CFAP77: variants seen among roughly 807,000 people sequenced by gnomAD.
CFAP77 encodes cilia and flagella associated protein 77, also known as cilia- and flagella-associated protein 77.
A neutral mutation model predicts 31.1 loss-of-function variants in CFAP77; 25 were observed. That is an observed-to-expected ratio of 0.80 (90% CI 0.59 to 1.12). The LOEUF (loss-of-function observed/expected upper bound fraction) is 1.12. Among genes scored for constraint, CFAP77 ranks in the 50% most tolerant of loss-of-function variants. CFAP77 has a pLI of 0.00. For synonymous variants in CFAP77, 151 were observed against 159.9 expected (o/e 0.94, Z 0.42); for missense variants, 377 against 397.3 (o/e 0.95, Z 0.44).
intron 1 of CFAP77, among the ~76,000 whole-genome samples, chr9:132,459,670 A>T (rs1230452180): frequency 1.3e-5 from 2 of 150,684 alleles, no homozygotes; most frequent in Non-Finnish European, 2.9e-5. Flanking sequence ...TCATGTGTGC[A>T]TATTTATGTG....
At chr9:132,473,713 C>T (rs773802029) in intron 1 of CFAP77, among the ~76,000 whole-genome samples, 29 of 152,118 alleles carry the variant, frequency 1.9e-4, no homozygotes, top group Non-Finnish European at 2.9e-4. Flanking sequence ...GACAGAGTTT[C>T]ACTCTTGTCA....
In CFAP77 at chr9:132,531,030, A is replaced by C. The variant is rs780595884; in HGVS notation, c.525-6571A>C. ...CCAAGATATCCAAGGCTCCAGCACC[A>C]TTTGTTGAAAAGACTATCCTTCCTC... On this transcript the variant is annotated intron_variant, in intron 3 of 5. Coordinates refer to ENST00000393216, the MANE Select transcript of CFAP77 (RefSeq NM_001282957.2). Among the ~76,000 whole-genome samples the C allele has an allele frequency of 7.9e-5, 12 of 152,184 alleles. 1 individual carries two copies. Among genetic ancestry groups the C allele is most frequent in the Middle Eastern group, 6.3e-3 (2 of 316 alleles).
At chr9:132,416,312 T>G (rs1317149466) in intron 1 of CFAP77, among the ~76,000 whole-genome samples, 1 of 150,536 alleles carries the variant, frequency 6.6e-6, no homozygotes, top group South Asian at 2.1e-4. Flanking sequence ...CTATAACTGT[T>G]GAGTGCTTCT....
At position 132,517,165 on chromosome 9, in the gene CFAP77, C is replaced by G. The variant is rs961075672; in HGVS notation, c.524+17565C>G. ...CGTGGAGAGAAGCCCAGCCCTCCAG[C>G]CTTCTCCCTCCTCCCAAACCAGCCA... On this transcript the variant is annotated intron_variant, in intron 3 of 5. Coordinates refer to ENST00000393216, the MANE Select transcript of CFAP77 (RefSeq NM_001282957.2). The surrounding 1 kb of genome is among the most constrained non-coding windows in gnomAD (Gnocchi z 4.7). Among the ~76,000 whole-genome samples, 1 of 152,148 alleles carries G rather than the reference C, an allele frequency of 6.6e-6. No homozygotes were observed. The highest frequency in any genetic ancestry group is 1.5e-5 in the Non-Finnish European group (1 of 68,016).
intron 5 of CFAP77, 90 bp from the exon 6 acceptor site, chr9:132,572,298 G>A: frequency 7.0e-7 from 1 of 1,426,422 alleles, no homozygotes; most frequent in Non-Finnish European, 9.5e-7. Context: ...ATTATTCTAA[G>A]ATTGAAGCAG....
chr9:132,544,531 T>G (rs1051502976), intron 5 of CFAP77, among the ~76,000 whole-genome samples: 4 of 149,886 alleles, frequency 2.7e-5, no homozygotes, highest in Non-Finnish European at 5.9e-5. Context: ...GGTCTCACTC[T>G]GTCACCCAGG....
rs893095981 is a variant in CFAP77 at position 132,458,168 on chromosome 9, C to T, written c.196-40527C>T. On this transcript the variant is annotated intron_variant, in intron 1 of 5. Transcript: ENST00000393216. The stretch of plus-strand genomic sequence containing the variant: ...CCGGGGCGAAGGAATGAAAATCCTG[C>T]GAGGCCTTAAATCAGAACATAAAGA... Among the ~76,000 whole-genome samples the T allele has an allele frequency of 8.5e-5, 13 of 152,286 alleles. No individual in the cohort carries two copies. In the East Asian group the frequency reaches 2.3e-3, roughly 27 times the overall value.
chr9:132,440,411 T>A (rs1484611709), intron 1 of CFAP77, among the ~76,000 whole-genome samples: 1 of 152,106 alleles, frequency 6.6e-6, no homozygotes, highest in East Asian at 1.9e-4. Context: ...GGCCAAGAAA[T>A]GGTTTTACAA....
intron 1 of CFAP77, among the ~76,000 whole-genome samples, chr9:132,443,712 C>T (rs951211427): frequency 1.3e-5 from 2 of 152,092 alleles, no homozygotes; most frequent in Non-Finnish European, 2.9e-5. Context: ...TAACCCAAGA[C>T]GTAGGAAGCA....
At chr9:132,526,346 C>T (rs914256859) in intron 3 of CFAP77, among the ~76,000 whole-genome samples, 3 of 152,228 alleles carry the variant, frequency 2.0e-5, no homozygotes, top group African/African-American at 7.2e-5. Flanking sequence ...TCTCCTGCCT[C>T]AGCCTCCTGA....
intron 1 of CFAP77, among the ~76,000 whole-genome samples, chr9:132,438,541 A>ATATATATATATATATATATATATAT: frequency 1.0e-4 from 11 of 108,126 alleles, no homozygotes; most frequent in Non-Finnish European, 1.6e-4. Context: ...ATATATATAT[A>ATATATATATATATATATATATATAT]TTTTTTTTTT....
chr9:132,425,341 G>C (rs1355827340), intron 1 of CFAP77, among the ~76,000 whole-genome samples: 2 of 152,046 alleles, frequency 1.3e-5, no homozygotes, highest in African/African-American at 4.8e-5. Context: ...AATTTATTCT[G>C]TTTTCTCCTC....
chr9:132,444,758 C>T (rs762404450), intron 1 of CFAP77, among the ~76,000 whole-genome samples: 8 of 151,994 alleles, frequency 5.3e-5, no homozygotes, highest in Non-Finnish European at 7.4e-5. Flanking sequence ...GTAAAATATG[C>T]GTGACCTAAA....
At position 132,558,733 on chromosome 9, in the gene CFAP77, A is replaced by T. The variant is rs1852943675; in HGVS notation, c.733-13655A>T. Among the ~76,000 whole-genome samples, 3 of 143,680 alleles carry T rather than the reference A, an allele frequency of 2.1e-5. No individual in the cohort carries two copies. The South Asian group carries it at 6.9e-4, about 33-fold the overall frequency. The allele number at this position is 143,680 out of a possible 152,430, so 94.3% of individuals were successfully genotyped here. On this transcript the variant is annotated intron_variant, in intron 5 of 5. Transcript: ENST00000393216. ...AATAAATAAATAAATAAAAATAAGG[A>T]CGGGTGCGGTGGCTCACGTCTGTAA...
chr9:132,438,856 G>GTTTTTTC (rs1266987023), intron 1 of CFAP77, among the ~76,000 whole-genome samples: 2 of 150,032 alleles, frequency 1.3e-5, no homozygotes, highest in Non-Finnish European at 3.0e-5. Flanking sequence ...TTTGTTTCTT[G>GTTTTTTC]TTTTTTCTTT....
At chr9:132,569,404 G>A (rs1410766988) in intron 5 of CFAP77, among the ~76,000 whole-genome samples, 1 of 152,004 alleles carries the variant, frequency 6.6e-6, no homozygotes, top group East Asian at 1.9e-4. Flanking sequence ...AGAACCTGAT[G>A]GGGGCGGAGG....
At chr9:132,462,641 C>T (rs147176120) in intron 1 of CFAP77, among the ~76,000 whole-genome samples, 1,531 of 152,064 alleles carry the variant, frequency 0.01, 8 homozygotes, top group Non-Finnish European at 0.017. Context: ...TGGTAAAACC[C>T]CGTCTCTACC....
chr9:132,538,924 A>G (rs1200972185), intron 4 of CFAP77, among the ~76,000 whole-genome samples: 1 of 151,866 alleles, frequency 6.6e-6, no homozygotes, highest in African/African-American at 2.4e-5. Flanking sequence ...CGTCTCTACT[A>G]AAAATACAAA....
chr9:132,469,581 G>A (rs766149081), intron 1 of CFAP77, among the ~76,000 whole-genome samples: 16 of 152,156 alleles, frequency 1.1e-4, no homozygotes, highest in Non-Finnish European at 2.1e-4. Context: ...CCCAGAAAAG[G>A]GGAGTTATCT....
Sources: allele counts gnomAD v4.1 joint callset (sites outside exome capture counted in the v4.1 genomes callset), GRCh38; gene constraint gnomAD v4.1.1; non-coding constraint Gnocchi (gnomAD v3.1); transcripts MANE v1.5; gene names NCBI Gene and HGNC (gene_info 2026-07-23, HGNC 2026-07-21).